Variants in ROCK1 observed in about 807,000 individuals in gnomAD.
ROCK1 encodes the protein rho-associated protein kinase 1.
In ROCK1, 36 loss-of-function variants were observed where a neutral mutation model predicts 196.8. The observed-to-expected ratio is 0.18, with a 90% CI of 0.14 to 0.24. The LOEUF (loss-of-function observed/expected upper bound fraction) is 0.24. Ranked by LOEUF, ROCK1 falls within the 10% of genes least tolerant of loss-of-function variation. ROCK1 has a pLI of 1.00. For missense variants in ROCK1, 920 were observed against 1,562.0 expected (o/e 0.59, Z 6.93); for synonymous variants, 443 against 515.9 (o/e 0.86, Z 1.91).
intron 29 of ROCK1, among the ~76,000 whole-genome samples, chr18:20,958,660 A>G (rs2035270207): frequency 6.6e-6 from 1 of 150,826 alleles, no homozygotes; most frequent in Admixed American, 6.7e-5. Flanking sequence ...TGATTCCAGG[A>G]ACTCCAAAAA....
chr18:21,111,012 C>T lies in ROCK1; in HGVS notation c.-102G>A, dbSNP rs1346647024. 15 of 944,820 alleles carry T rather than the reference C, an allele frequency of 1.6e-5. No individual in the cohort carries two copies. Among genetic ancestry groups the T allele is most frequent in the Non-Finnish European group, 2.5e-5 (15 of 597,998 alleles). The allele number at this position is 944,820 out of a possible 1,614,324, so 58.5% of individuals were successfully genotyped here. Reference sequence around the variant, plus strand: ...GGTTCGCAGCCGCGGGGCGGAGGAGCCGGAACCTCAGGGTCACCAGGTGCG... The same window carrying T: ...GGTTCGCAGCCGCGGGGCGGAGGAGTCGGAACCTCAGGGTCACCAGGTGCG... On this transcript the variant is annotated 5_prime_UTR_variant, in exon 1 of 33. Coordinates refer to ENST00000399799, the MANE Select transcript of ROCK1 (RefSeq NM_005406.3). This position sits in a 1 kb window ranked among gnomAD's most constrained non-coding sequence, Gnocchi z 4.2.
At position 21,073,921 on chromosome 18, in the gene ROCK1, G is replaced by C. The variant is rs572355530; in HGVS notation, c.94-3308C>G. Among the ~76,000 whole-genome samples the C allele has an allele frequency of 3.3e-5, 5 of 152,276 alleles. No individual in the cohort carries two copies. The South Asian group carries it at 8.3e-4, about 25-fold the overall frequency. On this transcript the variant is annotated intron_variant, in intron 1 of 32. Coordinates refer to ENST00000399799, the MANE Select transcript of ROCK1 (RefSeq NM_005406.3). Reference sequence around the variant, plus strand: ...CAATCCCAGCACTTTGGGAGATCGAGACAGGAGGATCACTTGAAACCAGGA... The same window carrying C: ...CAATCCCAGCACTTTGGGAGATCGACACAGGAGGATCACTTGAAACCAGGA...
At chr18:20,962,668 T>C (rs1195247025) in intron 27 of ROCK1, among the ~76,000 whole-genome samples, 8 of 152,204 alleles carry the variant, frequency 5.3e-5, no homozygotes, top group Non-Finnish European at 1.0e-4. Flanking sequence ...GCCAGAATTC[T>C]ACATTTGCTC....
At chr18:21,015,553 T>A in intron 12 of ROCK1, 74 bp from the exon 13 acceptor site, 1 of 941,184 alleles carries the variant, frequency 1.1e-6, no homozygotes, top group South Asian at 1.5e-5. Context: ...CTAACATTCC[T>A]TACTTTTCCA....
At chr18:21,053,952 A>C (rs1361268260) in intron 2 of ROCK1, among the ~76,000 whole-genome samples, 2 of 152,230 alleles carry the variant, frequency 1.3e-5, no homozygotes, top group African/African-American at 4.8e-5. Context: ...TAGCACTCAA[A>C]ACTGTCAAGC....
chr18:21,000,913 A>T (rs2035718149), intron 16 of ROCK1, among the ~76,000 whole-genome samples: 1 of 152,076 alleles, frequency 6.6e-6, no homozygotes, highest in South Asian at 2.1e-4. Flanking sequence ...CTAAATATAC[A>T]CCCCTAAAGA....
chr18:20,968,846 T>C lies in ROCK1; in HGVS notation c.2929A>G (p.Lys977Glu). The C allele has an allele frequency of 6.3e-7, 1 of 1,598,576 alleles. No individual in the cohort carries two copies. The highest frequency in any genetic ancestry group is 8.6e-7 in the Non-Finnish European group (1 of 1,165,998). The change falls in exon 25 of 33, where the codon AAG (lysine) becomes GAG (glutamate). Residue 977 changes from lysine to glutamate, a missense_variant. Lys to Glu is a moderately conservative substitution (Grantham distance 56). Around this residue, in one of 6 missense-constraint regions of ROCK1, gnomAD observed 520 missense variants for 657.1 expected, o/e 0.79. Transcript: ENST00000399799. Reference protein sequence around the residue: ...KKAEEEYKLEKEEEISNLKAA... With the variant: ...KKAEEEYKLEEEEEISNLKAA... The stretch of plus-strand genomic sequence containing the variant: ...TTAAGATTACTGATCTCCTCCTCCT[T>C]CTCCAGTTTATATTCTGTCAACAAA...
intron 1 of ROCK1, among the ~76,000 whole-genome samples, chr18:21,092,046 T>C (rs1568407979): frequency 6.6e-6 from 1 of 152,170 alleles, no homozygotes; most frequent in Non-Finnish European, 1.5e-5. Flanking sequence ...AGATTTTCAA[T>C]TATTAGGGGA....
intron 8 of ROCK1, 102 bp downstream of exon 8, chr18:21,041,995 T>C: frequency 9.3e-7 from 1 of 1,075,466 alleles, no homozygotes; most frequent in South Asian, 1.5e-5. Context: ...TCATTTATAT[T>C]CTAACAATTT....
At chr18:20,968,719 A>G in intron 25 of ROCK1, 53 bp downstream of exon 25, 2 of 1,040,302 alleles carry the variant, frequency 1.9e-6, no homozygotes, top group East Asian at 2.4e-5. Flanking sequence ...GTGCATAAAG[A>G]GCAATGATTA....
intron 13 of ROCK1, among the ~76,000 whole-genome samples, chr18:21,012,688 T>A (rs2035829137): frequency 6.6e-6 from 1 of 152,230 alleles, no homozygotes; most frequent in South Asian, 2.1e-4. Context: ...AGGTCTTTTG[T>A]CAAATTTGTT....
At position 20,984,444 on chromosome 18, in the gene ROCK1, T is replaced by A. The variant is rs763866091; in HGVS notation, c.2396A>T (p.Asn799Ile). The stretch of plus-strand genomic sequence containing the variant: ...CATCTGCTTTTCTAAACCTTTTAAA[T>A]TGTCTGCCTCAAATGCTTGAGTCTT... ...ELKTQAFEAD[N>I]LKGLEKQMKQ... Residue 799 changes from asparagine (N) to isoleucine (I), a missense_variant, in exon 20 of 33, where the codon AAT becomes ATT. By Grantham distance (149) the Asn-to-Ile change is moderately radical (BLOSUM62 -3). Around this residue, in one of 6 missense-constraint regions of ROCK1, gnomAD observed 520 missense variants for 657.1 expected, o/e 0.79. Transcript: ENST00000399799. 6.2e-6 allele frequency: 10 copies of A among 1,613,182 alleles called. No homozygotes were observed. The highest frequency in any genetic ancestry group is 7.6e-6 in the Non-Finnish European group (9 of 1,179,636).
intron 1 of ROCK1, among the ~76,000 whole-genome samples, chr18:21,098,737 C>G (rs1425385190): frequency 6.7e-6 from 1 of 150,074 alleles, no homozygotes; most frequent in African/African-American, 2.5e-5. Context: ...TTAAAATGAA[C>G]AAAAAATATG....
chr18:21,088,321 C>T (rs1336572120), intron 1 of ROCK1, among the ~76,000 whole-genome samples: 2 of 152,176 alleles, frequency 1.3e-5, no homozygotes, highest in East Asian at 3.9e-4. Context: ...ATAGAAAGAC[C>T]TCGTCTCTAC....
At chr18:21,106,834 G>GA (rs1376542708) in intron 1 of ROCK1, among the ~76,000 whole-genome samples, 1 of 152,116 alleles carries the variant, frequency 6.6e-6, no homozygotes, top group East Asian at 1.9e-4. Context: ...CTTAGTTCTT[G>GA]AAAAAAATTA....
intron 32 of ROCK1, among the ~76,000 whole-genome samples, chr18:20,951,741 G>C (rs2035189894): frequency 6.6e-6 from 1 of 152,152 alleles, no homozygotes; most frequent in African/African-American, 2.4e-5. Context: ...TCATTTCAAA[G>C]AATTAGGCCT....
chr18:20,959,069 TTATATAATATATATATTTTATATAATATA>T (rs2035288133), intron 29 of ROCK1, among the ~76,000 whole-genome samples: 1 of 44,736 alleles, frequency 2.2e-5, no homozygotes, highest in South Asian at 4.9e-4. Context: ...ATATTTTATA[TTATATAATATATATATTTTATATAATATA>T]TATATTATAT....
intron 31 of ROCK1, among the ~76,000 whole-genome samples, chr18:20,954,530 C>G (rs2035222432): frequency 6.6e-6 from 1 of 152,212 alleles, no homozygotes; most frequent in Admixed American, 6.5e-5. Flanking sequence ...GAGCTGAGAT[C>G]ACGCCACTGC....
chr18:21,006,426 A>G lies in ROCK1; in HGVS notation c.1810T>C (p.Tyr604His), dbSNP rs2035769412. ...GCTTCTAATATAGCTTGCAGCTGGTAATAATCTTTGTCTGTTTGTGACTTA... is the reference window on the plus strand; with the variant it reads ...GCTTCTAATATAGCTTGCAGCTGGTGATAATCTTTGTCTGTTTGTGACTTA... ...NSKSQTDKDY[Y>H]QLQAILEAER... is the part of the protein sequence containing the mutation. The change falls in exon 16 of 33, where the codon TAC becomes CAC. Residue 604 changes from tyrosine (Y) to histidine (H), a missense_variant. This residue lies in a region of ROCK1 where 520 missense variants were observed against 657.1 expected (regional missense o/e 0.79). Coordinates refer to ENST00000399799, the MANE Select transcript of ROCK1 (RefSeq NM_005406.3). The G allele has an allele frequency of 6.2e-7, 1 of 1,613,474 alleles. No homozygotes were observed. The highest frequency in any genetic ancestry group is 1.6e-4 in the Middle Eastern group (1 of 6,080).
Sources: gnomAD v4.1 joint callset for allele counts (sites outside exome capture counted in the v4.1 genomes callset) on GRCh38, gnomAD v4.1.1 for gene constraint, gnomAD v4.1.1 regional missense constraint, Gnocchi (gnomAD v3.1) non-coding constraint, MANE v1.5 for transcripts, NCBI Gene and HGNC (gene_info 2026-07-23, HGNC 2026-07-21) for gene names.